Variants in AUNIP observed in about 807,000 individuals in gnomAD.
The protein encoded by AUNIP is aurora kinase A- and ninein-interacting protein.
Under a neutral mutation model 12.2 loss-of-function variants are expected in AUNIP, and 16 were observed. That is an observed-to-expected ratio of 1.31 (90% CI 0.88 to 1.99). AUNIP has a LOEUF of 1.99. AUNIP is among the 30% of genes most tolerant of loss of function. AUNIP has a pLI of 0.00. For missense variants in AUNIP, 411 were observed against 419.1 expected (o/e 0.98, Z 0.17); for synonymous variants, 142 against 154.8 (o/e 0.92, Z 0.61).
In AUNIP at chr1:25,835,111, G is replaced by A. The variant is rs772512389; in HGVS notation, c.956C>T (p.Pro319Leu). 1.8e-5 allele frequency: 29 copies of A among 1,614,204 alleles called. No individual in the cohort carries two copies. The highest frequency in any genetic ancestry group is 6.7e-5 in the Admixed American group (4 of 60,026). The change falls in exon 3 of 3, where the codon CCG (proline) becomes CTG (leucine). Residue 319 changes from proline to leucine, a missense_variant. By Grantham distance (98) the Pro-to-Leu change is moderately conservative. Coordinates refer to ENST00000374298, the MANE Select transcript of AUNIP (RefSeq NM_024037.3). ...CTGAGCCCAAGGACTGTTAGGAAAC[G>A]GCCCTAAGTCCCAATTCCAGTTATT... The part of the protein sequence containing the change: ...VTNNWNWDLG[P>L]FPNSPWAQCQ...
chr1:25,843,181 A>AT (rs1553123787), intron 1 of AUNIP, among the ~76,000 whole-genome samples: 13 of 104,826 alleles, frequency 1.2e-4, no homozygotes, highest in African/African-American at 4.2e-4. Context: ...TCAAAAAAAA[A>AT]AAAAATATAT....
chr1:25,851,808 CTCACTGCAACCTG>C (rs1461463729), intron 1 of AUNIP, among the ~76,000 whole-genome samples: 11 of 152,206 alleles, frequency 7.2e-5, no homozygotes, highest in Non-Finnish European at 1.6e-4. Context: ...ACAATCTCGG[CTCACTGCAACCTG>C]TCTCCCGGGT....
rs190570860 is a variant in AUNIP at position 25,856,578 on chromosome 1, G to A, written c.78+2702C>T. Among the ~76,000 whole-genome samples, 51 of 152,092 alleles carry A rather than the reference G, an allele frequency of 3.4e-4. 1 individual carries two copies. The East Asian group carries it at 9.7e-3, about 29-fold the overall frequency. The stretch of plus-strand genomic sequence containing the variant: ...TAATCCCAGCTACTCTGGAGACTGA[G>A]GCAGGGGAACTGCTTGAACCCAGGA... On this transcript the variant is annotated intron_variant, in intron 1 of 2. Coordinates refer to ENST00000374298, the MANE Select transcript of AUNIP (RefSeq NM_024037.3).
chr1:25,842,378 G>A (rs185708833), intron 1 of AUNIP, among the ~76,000 whole-genome samples: 6 of 152,138 alleles, frequency 3.9e-5, no homozygotes, highest in African/African-American at 1.4e-4. Context: ...GGTGAGGAAC[G>A]CCACAGAAGA....
Position 25,847,566 on chromosome 1 carries a change from T to TA in AUNIP, c.79-10013dup, listed in dbSNP as rs2048393146. Among the ~76,000 whole-genome samples, 1 of 151,814 alleles carries TA rather than the reference T, an allele frequency of 6.6e-6. No individual in the cohort carries two copies. The highest frequency in any genetic ancestry group is 1.5e-5 in the Non-Finnish European group (1 of 67,934). On this transcript the variant is annotated intron_variant, in intron 1 of 2. Transcript: ENST00000374298. The surrounding 1 kb of genome is among the most constrained non-coding windows in gnomAD (Gnocchi z 4.2). ...AGGCATAAACCACCACACCCGACCTTAAAAAACATTTAAGCAATCCCCTAC... is the reference window on the plus strand; with the variant it reads ...AGGCATAAACCACCACACCCGACCTTAAAAAAACATTTAAGCAATCCCCTAC...
downstream of AUNIP, chr1:25,831,935 T>C: frequency 1.2e-6 from 2 of 1,614,160 alleles, no homozygotes; most frequent in Non-Finnish European, 1.7e-6. Flanking sequence ...CGGAGTTTAT[T>C]GAAGGAGGAA....
At chr1:25,838,364 G>A (rs996138217) in intron 1 of AUNIP, among the ~76,000 whole-genome samples, 4 of 152,122 alleles carry the variant, frequency 2.6e-5, no homozygotes, top group Non-Finnish European at 4.4e-5. Context: ...TTAGCCAGGC[G>A]TGGTGGCAAG....
intron 1 of AUNIP, among the ~76,000 whole-genome samples, chr1:25,854,957 T>C (rs567233882): frequency 2.8e-4 from 42 of 148,152 alleles, no homozygotes; most frequent in Admixed American, 5.3e-4. Flanking sequence ...TTCTTTCTTT[T>C]TTTTTTTTTT....
downstream of AUNIP, among the ~76,000 whole-genome samples, chr1:25,833,104 A>T (rs149952163): frequency 5.9e-5 from 9 of 151,662 alleles, no homozygotes; most frequent in East Asian, 1.6e-3. Flanking sequence ...TTCTGTAGAG[A>T]TTTTGCCCTA....
rs2048418658 is a variant in AUNIP at position 25,850,540 on chromosome 1, C to T, written c.78+8740G>A. ...GGGGCATATTCCTATCTTAAGTCTT[C>T]TGATCAATGAACATGTAATGTCTTT... On this transcript the variant is annotated intron_variant, in intron 1 of 2. Transcript: ENST00000374298. Among the ~76,000 whole-genome samples the T allele has an allele frequency of 2.6e-5, 4 of 152,172 alleles. No individual in the cohort carries two copies. In the South Asian group the frequency reaches 8.3e-4, roughly 31 times the overall value.
At chr1:25,837,982 T>A (rs2048316566) in intron 1 of AUNIP, among the ~76,000 whole-genome samples, 1 of 151,998 alleles carries the variant, frequency 6.6e-6, no homozygotes, top group African/African-American at 2.4e-5. Flanking sequence ...GGCTCACGCC[T>A]GTAATCCCAG....
rs1342427424 is a variant in AUNIP, at chr1:25,843,185, AAT to A, written c.79-5633_79-5632del. On this transcript the variant is annotated intron_variant, in intron 1 of 2. Transcript: ENST00000374298. Reference sequence around the variant, plus strand: ...GAGACCCCATCTCAAAAAAAAAAAAAATATATATATATATATATTTTACTGCT... The same window carrying A: ...GAGACCCCATCTCAAAAAAAAAAAAAATATATATATATATATTTTACTGCT... Among the ~76,000 whole-genome samples the A allele has an allele frequency of 9.0e-3, 1,124 of 124,938 alleles. 19 individuals carry two copies. Among genetic ancestry groups the A allele is most frequent in the African/African-American group, 0.031 (1,039 of 33,578 alleles). 82.0% of individuals were successfully genotyped at this position (124,938 alleles called of 152,430 possible).
Position 25,847,803 on chromosome 1 carries a change from G to A in AUNIP, c.79-10249C>T, listed in dbSNP as rs914848158. Among the ~76,000 whole-genome samples the A allele has an allele frequency of 1.4e-4, 21 of 151,894 alleles. No homozygotes were observed. Among genetic ancestry groups the A allele is most frequent in the Admixed American group, 1.2e-3 (18 of 15,258 alleles). ...ACCAAAAATACAAAAAAATTAGCCA[G>A]GTACAGTGGCGCATGCCTGTGGTCC... On this transcript the variant is annotated intron_variant, in intron 1 of 2. Transcript: ENST00000374298. This position sits in a 1 kb window ranked among gnomAD's most constrained non-coding sequence, Gnocchi z 4.2.
chr1:25,834,546 G>C lies in AUNIP; in HGVS notation c.*447C>G, dbSNP rs7555012. On this transcript the variant is annotated 3_prime_UTR_variant, in exon 3 of 3. Coordinates refer to ENST00000374298, the MANE Select transcript of AUNIP (RefSeq NM_024037.3). ...GCAGGAGAATCGCTTGAATCCGGGA[G>C]ACAGAGGGTGCAGTGAGCTGAGGTC... 0.79 allele frequency: 662,118 copies of C among 836,344 alleles called. 262,729 individuals carry two copies. The highest frequency in any genetic ancestry group is 0.98 in the East Asian group (7,902 of 8,076). 51.8% of individuals were successfully genotyped at this position (836,344 alleles called of 1,614,324 possible). A position where few individuals can be genotyped will look rare whatever the true frequency, so the allele number is the denominator to read the frequency against.
Position 25,834,882 on chromosome 1 carries a change from A to T in AUNIP, c.*111T>A. The T allele has an allele frequency of 1.3e-6, 2 of 1,514,782 alleles. No individual in the cohort carries two copies. Among genetic ancestry groups the T allele is most frequent in the Admixed American group, 2.2e-5 (1 of 44,540 alleles). 93.8% of individuals were successfully genotyped at this position (1,514,782 alleles called of 1,614,324 possible). A position where few individuals can be genotyped will look rare whatever the true frequency, so the allele number is the denominator to read the frequency against. ...GAAGATGCTCAGTAATGACAACTTC[A>T]TCCCATGCCACCTTCCCACCTAAAC... On this transcript the variant is annotated 3_prime_UTR_variant, in exon 3 of 3. Coordinates refer to ENST00000374298, the MANE Select transcript of AUNIP (RefSeq NM_024037.3).
At chr1:25,855,134 T>C (rs2048452044) in intron 1 of AUNIP, among the ~76,000 whole-genome samples, 1 of 151,940 alleles carries the variant, frequency 6.6e-6, no homozygotes, top group Admixed American at 6.6e-5. Flanking sequence ...TTTTAGTATT[T>C]TCAGTAGAGA....
intron 2 of AUNIP, among the ~76,000 whole-genome samples, chr1:25,836,351 G>A (rs2048302457): frequency 6.6e-6 from 1 of 152,180 alleles, no homozygotes; most frequent in Admixed American, 6.5e-5. Flanking sequence ...TGGTGACAGT[G>A]TGAAAAACGT....
At chr1:25,852,023 G>A (rs550124208) in intron 1 of AUNIP, among the ~76,000 whole-genome samples, 11 of 151,922 alleles carry the variant, frequency 7.2e-5, no homozygotes, top group East Asian at 3.9e-4. Flanking sequence ...CTCAATCACC[G>A]CTCAGTGCAG....
At chr1:25,845,416 T>G (rs2048374866) in intron 1 of AUNIP, among the ~76,000 whole-genome samples, 1 of 152,174 alleles carries the variant, frequency 6.6e-6, no homozygotes, top group Non-Finnish European at 1.5e-5. Flanking sequence ...AATACTGAAC[T>G]ACATGTCAGT....
Sources: gnomAD v4.1 joint callset for allele counts (sites outside exome capture counted in the v4.1 genomes callset) on GRCh38, gnomAD v4.1.1 for gene constraint, Gnocchi (gnomAD v3.1) non-coding constraint, MANE v1.5 for transcripts, NCBI Gene and HGNC (gene_info 2026-07-23, HGNC 2026-07-21) for gene names.